The following TYMP variants were observed in gnomAD, a reference collection of about 807,000 sequenced individuals.
TYMP encodes thymidine phosphorylase, also known as gliostatin.
A neutral mutation model predicts 42.3 loss-of-function variants in TYMP; 46 were observed. The ratio of observed to expected loss-of-function variants is 1.09; its 90% CI spans 0.86 to 1.39. The LOEUF (loss-of-function observed/expected upper bound fraction) is 1.39, where lower values mean the gene tolerates loss of function less well. Among genes scored for constraint, TYMP ranks in the 40% most tolerant of loss-of-function variants. TYMP has a pLI of 0.00. For synonymous variants in TYMP, 363 were observed against 308.0 expected (o/e 1.18, Z -1.87); for missense variants, 837 against 677.6 (o/e 1.24, Z -2.61).
At position 50,527,143 on chromosome 22, in the gene TYMP, A is replaced by G. The variant is rs528275553; in HGVS notation, c.765+22T>C. ...TGGGCCCGCATCAAGACGCTTGCCC[A>G]GGGAAAGGCCACACCGCTCACCAGC... On this transcript the variant is annotated intron_variant, in intron 6 of 9. Coordinates refer to ENST00000252029, the MANE Select transcript of TYMP (RefSeq NM_001953.5). 51 of 1,593,900 alleles carry G rather than the reference A, an allele frequency of 3.2e-5. 1 individual carries two copies. The South Asian group carries it at 4.9e-4, about 15-fold the overall frequency.
chr22:50,527,768 CTTTTTTT>C lies in TYMP; in HGVS notation c.517-58_517-52del, dbSNP rs131803. On this transcript the variant is annotated intron_variant, in intron 4 of 9. Transcript: ENST00000252029. ...TGACTTATGGTAAATGACTTAGCAG[CTTTTTTT>C]TTTTTTTTTTTTTTTTCTGTGAAGA... 6,341 of 1,216,962 alleles carry C rather than the reference CTTTTTTT, an allele frequency of 5.2e-3. No homozygotes were observed. Among genetic ancestry groups the C allele is most frequent in the East Asian group, 9.2e-3 (343 of 37,260 alleles). The allele number at this position is 1,216,962 out of a possible 1,614,324, so 75.4% of individuals were successfully genotyped here. A position where few individuals can be genotyped will look rare whatever the true frequency, so the allele number is the denominator to read the frequency against.
At chr22:50,529,084 G>A in intron 3 of TYMP, 52 bp downstream of exon 3, 1 of 1,586,866 alleles carries the variant, frequency 6.3e-7, no homozygotes, top group Non-Finnish European at 8.6e-7. Flanking sequence ...GGATGGACTG[G>A]TTGCTGCATG....
rs773584055 is a variant in TYMP at position 50,526,151 on chromosome 22, G to GAGGGGCTGAGAGGCGCGGGCTC, written c.1160-32_1160-11dup. The GAGGGGCTGAGAGGCGCGGGCTC allele has an allele frequency of 2.0e-6, 3 of 1,473,570 alleles. No homozygotes were observed. In the South Asian group the frequency reaches 3.9e-5, roughly 19 times the overall value. The allele number at this position is 1,473,570 out of a possible 1,614,324, so 91.3% of individuals were successfully genotyped here. A position where few individuals can be genotyped will look rare whatever the true frequency, so the allele number is the denominator to read the frequency against. On this transcript the variant is annotated splice_polypyrimidine_tract_variant and intron_variant, in intron 8 of 9. Coordinates refer to ENST00000252029, the MANE Select transcript of TYMP (RefSeq NM_001953.5). ...ACCAGCTCCACGGTGCCTGCGGGGA[G>GAGGGGCTGAGAGGCGCGGGCTC]AGGGGCTGAGAGGCGCGGGCTCGGG...
Position 50,527,714 on chromosome 22 carries a change from G to T in TYMP, c.520C>A (p.Gln174Lys). The change falls in exon 5 of 10, where the codon CAA (glutamine) becomes AAA (lysine). Residue 174 changes from glutamine (Q) to lysine (K), a missense_variant. Transcript: ENST00000252029. ...FNVIQSPEQM[Q>K]VLLDQAGCCI... ...CAGCCCGCCTGGTCCAGCAGCACTT[G>T]CATCTGGTCAGACATCCCCTGTTCT... The T allele has an allele frequency of 1.2e-6, 2 of 1,611,752 alleles. No homozygotes were observed. Among genetic ancestry groups the T allele is most frequent in the Non-Finnish European group, 1.7e-6 (2 of 1,179,484 alleles).
rs747478170 is a variant in TYMP at position 50,526,235 on chromosome 22, C to G, written c.1159+11G>C. The stretch of plus-strand genomic sequence containing the variant: ...CGGAGGCGGAAGGACGGGGACTCCC[C>G]CGACGCTCACCATCTGCGGGCGCCA... On this transcript the variant is annotated intron_variant, in intron 8 of 9. Transcript: ENST00000252029. The G allele has an allele frequency of 8.5e-6, 13 of 1,530,026 alleles. No individual in the cohort carries two copies. Among genetic ancestry groups the G allele is most frequent in the Non-Finnish European group, 1.0e-5 (12 of 1,146,946 alleles). 94.8% of individuals were successfully genotyped at this position (1,530,026 alleles called of 1,614,324 possible). A position where few individuals can be genotyped will look rare whatever the true frequency, so the allele number is the denominator to read the frequency against.
In TYMP at chr22:50,528,592, G is replaced by T. The variant is rs1357734207; in HGVS notation, c.436C>A (p.Arg146Ser). 8 of 1,613,588 alleles carry T rather than the reference G, an allele frequency of 5.0e-6. No homozygotes were observed. The highest frequency in any genetic ancestry group is 1.3e-5 in the African/African-American group (1 of 74,918). The stretch of plus-strand genomic sequence containing the variant: ...GTGCCTCCTGTGTGCCCCAGACCAC[G>T]TCCGCTGATCATTGGCACCTGGTGG... ...CGCKVPMISG[R>S]GLGHTGGTLD... The change falls in exon 4 of 10, where the codon CGT becomes AGT. Residue 146 changes from arginine to serine, a missense_variant. By Grantham distance (110) the Arg-to-Ser change is moderately radical. Coordinates refer to ENST00000252029, the MANE Select transcript of TYMP (RefSeq NM_001953.5).
At chr22:50,527,834 G>A (rs1237882904) in intron 4 of TYMP, 117 bp from the exon 5 acceptor site, 5 of 1,398,950 alleles carry the variant, frequency 3.6e-6, no homozygotes, top group Admixed American at 4.1e-5. Context: ...GAGTGCAGTT[G>A]GCACAATTTC....
intron 1 of TYMP, 44 bp from the exon 2 acceptor site, chr22:50,529,763 G>A (rs1376093366): frequency 3.9e-6 from 6 of 1,536,316 alleles, no homozygotes; most frequent in African/African-American, 2.7e-5. Flanking sequence ...GCCTCCCGGC[G>A]TCGGTGTCTG....
chr22:50,527,948 T>C (rs1485632261), intron 4 of TYMP: 4 of 561,044 alleles, frequency 7.1e-6, no homozygotes, highest in Admixed American at 6.6e-5. Context: ...CTTTTTTTTT[T>C]CTTCTTTTTT....
chr22:50,528,261 T>C, intron 4 of TYMP: 2 of 554,204 alleles, frequency 3.6e-6, no homozygotes, highest in South Asian at 3.8e-5. Flanking sequence ...CTCTTCGGCC[T>C]CCCCAAGTGC....
rs753259778 is a variant in TYMP at position 50,527,733 on chromosome 22, C to G, written c.517-16G>C. 4 of 1,612,376 alleles carry G rather than the reference C, an allele frequency of 2.5e-6. No individual in the cohort carries two copies. Among genetic ancestry groups the G allele is most frequent in the Non-Finnish European group, 3.4e-6 (4 of 1,179,264 alleles). On this transcript the variant is annotated splice_polypyrimidine_tract_variant and intron_variant, in intron 4 of 9. Coordinates refer to ENST00000252029, the MANE Select transcript of TYMP (RefSeq NM_001953.5). ...GCACTTGCATCTGGTCAGACATCCC[C>G]TGTTCTCAGTGACTTATGGTAAATG...
rs1178553181 is a variant in TYMP at position 50,529,689 on chromosome 22, C to T, written c.21G>A (p.Pro7=). 1.9e-6 allele frequency: 3 copies of T among 1,610,990 alleles called. No individual in the cohort carries two copies. Among genetic ancestry groups the T allele is most frequent in the African/African-American group, 1.3e-5 (1 of 74,900 alleles). MAALMT[P]GTGAPPAPGD... is the part of the protein sequence containing the mutation. Reference sequence around the variant, plus strand: ...CAGGCGCGGGTGGGGCCCCGGTTCCCGGGGTCATCAAGGCTGCCATCGCTC... The same window carrying T: ...CAGGCGCGGGTGGGGCCCCGGTTCCTGGGGTCATCAAGGCTGCCATCGCTC... Residue 7 remains proline (P), a synonymous_variant, in exon 2 of 10, where the codon CCG becomes CCA. Transcript: ENST00000252029.
chr22:50,529,682 C>T lies in TYMP; in HGVS notation c.28G>A (p.Gly10Arg), dbSNP rs377572658. ...AAGTCACCAGGCGCGGGTGGGGCCC[C>T]GGTTCCCGGGGTCATCAAGGCTGCC... is the stretch of plus-strand genomic sequence containing the variant. MAALMTPGT[G>R]APPAPGDFSG... The change falls in exon 2 of 10, where the codon GGG becomes AGG. Residue 10 changes from glycine to arginine, a missense_variant. Gly to Arg is a moderately radical substitution (Grantham distance 125, BLOSUM62 -2). Coordinates refer to ENST00000252029, the MANE Select transcript of TYMP (RefSeq NM_001953.5). The T allele has an allele frequency of 4.7e-5, 75 of 1,611,542 alleles. No homozygotes were observed. Among genetic ancestry groups the T allele is most frequent in the Admixed American group, 1.8e-4 (11 of 59,904 alleles).
In TYMP at chr22:50,529,681, C is replaced by G; in HGVS notation, c.29G>C (p.Gly10Ala). The change falls in exon 2 of 10, where the codon GGG becomes GCG. Residue 10 changes from glycine (G) to alanine (A), a missense_variant. Coordinates refer to ENST00000252029, the MANE Select transcript of TYMP (RefSeq NM_001953.5). MAALMTPGTGAPPAPGDFSG... is the reference protein window; with the variant it reads MAALMTPGTAAPPAPGDFSG... ...GAAGTCACCAGGCGCGGGTGGGGCC[C>G]CGGTTCCCGGGGTCATCAAGGCTGC... The G allele has an allele frequency of 1.2e-6, 2 of 1,611,524 alleles. No homozygotes were observed. The highest frequency in any genetic ancestry group is 1.7e-6 in the Non-Finnish European group (2 of 1,179,478).
At chr22:50,529,849 C>T (rs2069528611) in intron 1 of TYMP, 55 bp downstream of exon 1, 4 of 802,648 alleles carry the variant, frequency 5.0e-6, no homozygotes, top group African/African-American at 3.5e-5. Flanking sequence ...CTGTGTCGCC[C>T]TCGTCCGTGT....
intron 4 of TYMP, chr22:50,528,052 C>T (rs2069460894): frequency 2.5e-6 from 1 of 405,206 alleles, no homozygotes. Flanking sequence ...CACTCTGTTG[C>T]CCAGGCTGGA....
chr22:50,526,103 C>T lies in TYMP; in HGVS notation c.1198G>A (p.Val400Met). Residue 400 changes from valine (V) to methionine (M), a missense_variant, in exon 9 of 10, where the codon GTG becomes ATG. Transcript: ENST00000252029. Reference sequence around the variant, plus strand: ...CGCCCGGCCCCGAGCTCGTGCAGCACCAGCGCCAGCGGCAGCGCCCGGACC... The same window carrying T: ...CGCCCGGCCCCGAGCTCGTGCAGCATCAGCGCCAGCGGCAGCGCCCGGACC... ...ELVRALPLAL[V>M]LHELGAGRSR... 1.3e-6 allele frequency: 2 copies of T among 1,489,724 alleles called. No homozygotes were observed. Among genetic ancestry groups the T allele is most frequent in the Non-Finnish European group, 1.8e-6 (2 of 1,127,888 alleles). The allele number at this position is 1,489,724 out of a possible 1,614,324, so 92.3% of individuals were successfully genotyped here.
intron 6 of TYMP, 144 bp downstream of exon 6, chr22:50,527,021 G>A (rs530870588): frequency 2.6e-6 from 2 of 783,008 alleles, no homozygotes; most frequent in Admixed American, 3.8e-5. Context: ...AAGCCGTGAA[G>A]GAGGGAGGGA....
rs750933965 is a variant in TYMP at position 50,526,737 on chromosome 22, A to G, written c.767T>C (p.Val256Ala). Residue 256 changes from valine (V) to alanine (A), a missense_variant and splice_region_variant, in exon 7 of 10, where the codon GTT becomes GCT. Physicochemically the swap from Val to Ala is moderately conservative, Grantham distance 64. Transcript: ENST00000252029. ...EQARELAKTL[V>A]GVGASLGLRV... ...AAGCCCTAGGCTGGCTCCCACGCCA[A>G]CCTGCGGAGAGGAGGCTCAGCGTGG... is the stretch of plus-strand genomic sequence containing the variant. 1.9e-5 allele frequency: 29 copies of G among 1,535,542 alleles called. No homozygotes were observed. The highest frequency in any genetic ancestry group is 3.6e-5 in the South Asian group (3 of 83,936).
Sources: gnomAD v4.1 joint callset for allele counts on GRCh38, gnomAD v4.1.1 for gene constraint, MANE v1.5 for transcripts, NCBI Gene and HGNC (gene_info 2026-07-23, HGNC 2026-07-21) for gene names.